TMC5: variants seen among roughly 807,000 people sequenced by gnomAD.
The protein encoded by TMC5 is transmembrane channel like 5.
TMC5 carries 86 observed loss-of-function variants against 110.5 expected under a neutral mutation model. The ratio of observed to expected loss-of-function variants is 0.78; its 90% confidence interval spans 0.65 to 0.93. The LOEUF is 0.93. TMC5 is among the 40% of genes least tolerant of loss of function. TMC5 has a pLI of 0.00. For missense variants in TMC5, 1,144 were observed against 1,222.8 expected (o/e 0.94, Z 0.96); for synonymous variants, 455 against 439.5 (o/e 1.04, Z -0.44).
chr16:19,497,782 G>A (rs1451366659), intron 21 of TMC5, 138 bp from the exon 22 acceptor site: 27 of 701,072 alleles, frequency 3.9e-5, no homozygotes, highest in Non-Finnish European at 4.1e-5. Context: ...GAGTTCAAGG[G>A]AAGGATTATA....
At chr16:19,412,706 C>T (rs551653122) in intron 1 of TMC5, among the ~76,000 whole-genome samples, 108 of 152,228 alleles carry the variant, frequency 7.1e-4, no homozygotes, top group African/African-American at 2.4e-3. Context: ...ATGAAACACT[C>T]GGAACAGTGC....
At chr16:19,417,109 A>AAAAC (rs1966882368), upstream of TMC5, among the ~76,000 whole-genome samples, 1 of 149,866 alleles carries the variant, frequency 6.7e-6, no homozygotes, top group Non-Finnish European at 1.5e-5. Flanking sequence ...AAAAAAAAAA[A>AAAAC]AAAAAGAAGA....
At chr16:19,495,034 AG>A (rs1356569949) in intron 20 of TMC5, among the ~76,000 whole-genome samples, 7 of 20,098 alleles carry the variant, frequency 3.5e-4, no homozygotes, top group East Asian at 3.2e-3. Context: ...TTTTTTTTTG[AG>A]ACGGAGTCTC....
chr16:19,421,097 G>A (rs1292633835), intron 1 of TMC5, among the ~76,000 whole-genome samples: 1 of 152,166 alleles, frequency 6.6e-6, no homozygotes, highest in Non-Finnish European at 1.5e-5. Context: ...GCAAGGTTGT[G>A]TCTGTCAGTC....
intron 19 of TMC5, among the ~76,000 whole-genome samples, chr16:19,492,752 G>T (rs765920753): frequency 1.3e-5 from 2 of 150,960 alleles, no homozygotes; most frequent in African/African-American, 2.4e-5. Flanking sequence ...TTTTTTAGAG[G>T]TGGGGGTCTT....
chr16:19,435,458 C>T (rs369720712), intron 2 of TMC5, among the ~76,000 whole-genome samples: 13 of 151,920 alleles, frequency 8.6e-5, no homozygotes, highest in South Asian at 6.2e-4. Flanking sequence ...GCCAAGATCA[C>T]GCCACTGGAC....
At chr16:19,442,656 GT>G (rs1322886501) in intron 3 of TMC5, among the ~76,000 whole-genome samples, 1 of 152,160 alleles carries the variant, frequency 6.6e-6, no homozygotes, top group African/African-American at 2.4e-5. Flanking sequence ...AAGTCAGTTT[GT>G]GGTTTAATCA....
intron 17 of TMC5, among the ~76,000 whole-genome samples, chr16:19,489,852 G>A (rs919948056): frequency 6.6e-6 from 1 of 150,698 alleles, no homozygotes; most frequent in Non-Finnish European, 1.5e-5. Context: ...ACAGTGGTGT[G>A]ATCACAGCTC....
Position 19,494,367 on chromosome 16 carries a change from G to T in TMC5, c.2931+1G>T. On this transcript the variant is annotated splice_donor_variant, in intron 20 of 21. Coordinates refer to ENST00000542583, the MANE Select transcript of TMC5 (RefSeq NM_001261841.2). LOFTEE classifies it high-confidence loss of function. ...TGTTCTGGAAAGGAGAGAGGTGGAG[G>T]TGAGTCTGGAGGCTGCCTTGGGGAC... 6.2e-7 allele frequency: 1 copy of T among 1,612,708 alleles called. No individual in the cohort carries two copies. Among genetic ancestry groups the T allele is most frequent in the Non-Finnish European group, 8.5e-7 (1 of 1,179,162 alleles).
chr16:19,418,787 G>A (rs898775150), intron 1 of TMC5, among the ~76,000 whole-genome samples: 1 of 147,114 alleles, frequency 6.8e-6, no homozygotes, highest in Non-Finnish European at 1.5e-5. Context: ...GAGTACAGTG[G>A]TGAAATCATA....
chr16:19,451,995 C>T (rs111374072), intron 5 of TMC5, among the ~76,000 whole-genome samples: 4 of 152,008 alleles, frequency 2.6e-5, no homozygotes, highest in African/African-American at 4.8e-5. Flanking sequence ...GACGGGGTTT[C>T]GGCATTTTGG....
upstream of TMC5, among the ~76,000 whole-genome samples, chr16:19,413,956 C>A (rs937117901): frequency 1.3e-5 from 2 of 152,170 alleles, no homozygotes; most frequent in East Asian, 3.8e-4. Context: ...TTAAATACAA[C>A]CCACACATAG....
Position 19,495,462 on chromosome 16 carries a change from C to T in TMC5, c.2931+1096C>T, listed in dbSNP as rs555565208. Among the ~76,000 whole-genome samples the T allele has an allele frequency of 5.3e-5, 8 of 152,306 alleles. No individual in the cohort carries two copies. In the South Asian group the frequency reaches 1.7e-3, roughly 32 times the overall value. On this transcript the variant is annotated intron_variant, in intron 20 of 21. Coordinates refer to ENST00000542583, the MANE Select transcript of TMC5 (RefSeq NM_001261841.2). Reference sequence around the variant, plus strand: ...AACTTCCCTCCCCCGCAGCCCACCACTAAATACTATATCTTGAACGATGTT... The same window carrying T: ...AACTTCCCTCCCCCGCAGCCCACCATTAAATACTATATCTTGAACGATGTT...
rs780522949 is a variant in TMC5 at position 19,440,494 on chromosome 16, T to C, written c.456T>C (p.His152=). 6.2e-7 allele frequency: 1 copy of C among 1,614,062 alleles called. No homozygotes were observed. Among genetic ancestry groups the C allele is most frequent in the South Asian group, 1.1e-5 (1 of 91,064 alleles). Residue 152 remains histidine, a synonymous_variant, in exon 3 of 22, where the codon CAT becomes CAC. Transcript: ENST00000542583. ...SSGNYAGSRT[H]PDHFGSLEPD... ...GAAACTATGCAGGCTCCAGAACACA[T>C]CCAGATCATTTTGGCTCCTTAGAAC...
intron 1 of TMC5, among the ~76,000 whole-genome samples, chr16:19,426,851 A>G (rs145319521): frequency 1.1e-4 from 16 of 152,076 alleles, no homozygotes; most frequent in Non-Finnish European, 2.4e-4. Flanking sequence ...ATCTGCAGTG[A>G]TTCTTAAACT....
upstream of TMC5, among the ~76,000 whole-genome samples, chr16:19,417,094 C>CAAAAAA (rs60613963): frequency 0.032 from 2,183 of 69,136 alleles, 298 homozygotes; most frequent in African/African-American, 0.14. Flanking sequence ...ACTCAGTCTT[C>CAAAAAA]AAAAAAAAAA....
chr16:19,452,595 T>C (rs578128145), intron 5 of TMC5, among the ~76,000 whole-genome samples: 1 of 152,278 alleles, frequency 6.6e-6, no homozygotes, highest in South Asian at 2.1e-4. Context: ...CATGTGCCTG[T>C]AGTCCCAGCT....
intron 14 of TMC5, 143 bp downstream of exon 14, chr16:19,479,671 C>T (rs552381049): frequency 3.1e-6 from 2 of 651,360 alleles, no homozygotes; most frequent in East Asian, 5.3e-5. Flanking sequence ...GGATACTGTT[C>T]ACTTCTAAAT....
chr16:19,470,194 GT>G (rs557157686), intron 10 of TMC5, among the ~76,000 whole-genome samples: 3,054 of 119,416 alleles, frequency 0.026, 107 homozygotes, highest in African/African-American at 0.078. Flanking sequence ...GCGCCCAGCT[GT>G]TTTTTTTTTT....
Sources: gnomAD v4.1 joint callset for allele counts (sites outside exome capture counted in the v4.1 genomes callset) on GRCh38, gnomAD v4.1.1 for gene constraint, MANE v1.5 for transcripts, NCBI Gene and HGNC (gene_info 2026-07-23, HGNC 2026-07-21) for gene names.